The following SUGCT variants were observed in gnomAD, a reference collection of about 807,000 sequenced individuals.
SUGCT encodes succinyl-CoA:glutarate CoA-transferase.
Under a neutral mutation model 55.0 loss-of-function variants are expected in SUGCT, and 41 were observed. That is an observed-to-expected ratio of 0.74 (90% CI 0.58 to 0.97). The LOEUF is 0.97. Ranked by LOEUF, SUGCT falls within the 50% of genes least tolerant of loss-of-function variation. The pLI, the probability that SUGCT is intolerant of heterozygous loss-of-function variation, is 0.00. For synonymous variants in SUGCT, 187 were observed against 200.4 expected, an observed-to-expected ratio of 0.93 and a Z score of 0.56; for missense variants, 568 against 547.8, an observed-to-expected ratio of 1.04 and a Z score of -0.37.
At chr7:40,595,121 A>T (rs1480321623) in intron 12 of SUGCT, among the ~76,000 whole-genome samples, 1 of 152,194 alleles carries the variant, frequency 6.6e-6, no homozygotes, top group East Asian at 1.9e-4. Context: ...ACCCTGTGCT[A>T]GGTGCTTCAA....
intron 12 of SUGCT, among the ~76,000 whole-genome samples, chr7:40,679,816 A>G (rs1345972046): frequency 6.6e-6 from 1 of 152,130 alleles, no homozygotes; most frequent in East Asian, 1.9e-4. Flanking sequence ...CTCATTTGCT[A>G]TCCTGTGATT....
chr7:40,668,391 A>G (rs927025547), intron 12 of SUGCT, among the ~76,000 whole-genome samples: 3 of 152,176 alleles, frequency 2.0e-5, no homozygotes, highest in Non-Finnish European at 4.4e-5. Flanking sequence ...GATTCATTAT[A>G]TGTAACTGAA....
chr7:40,240,772 G>C (rs1174986861), intron 7 of SUGCT, among the ~76,000 whole-genome samples: 3 of 152,220 alleles, frequency 2.0e-5, no homozygotes, highest in African/African-American at 7.2e-5. Context: ...TGGAACTCAG[G>C]CTTCTCTGAC....
intron 1 of SUGCT, chr7:40,153,058 G>T (rs1788665434): frequency 5.4e-6 from 1 of 184,230 alleles, no homozygotes; most frequent in South Asian, 1.0e-4. Context: ...AGCTCAAAAA[G>T]ATAATTCAGA....
intron 12 of SUGCT, among the ~76,000 whole-genome samples, chr7:40,581,575 T>A (rs1344792911): frequency 6.6e-6 from 1 of 152,060 alleles, no homozygotes; most frequent in Non-Finnish European, 1.5e-5. Context: ...TTGTGGAGGG[T>A]TACTTTATTT....
At chr7:40,513,538 A>G (rs1460119942) in intron 12 of SUGCT, among the ~76,000 whole-genome samples, 1 of 152,104 alleles carries the variant, frequency 6.6e-6, no homozygotes, top group Non-Finnish European at 1.5e-5. Context: ...TCAAATTGTC[A>G]CTAAAGTAGG....
At chr7:40,600,517 C>G (rs182997236) in intron 12 of SUGCT, among the ~76,000 whole-genome samples, 209 of 152,282 alleles carry the variant, frequency 1.4e-3, no homozygotes, top group African/African-American at 4.8e-3. Context: ...GCTTTCACAT[C>G]AGTTTGGGGG....
chr7:40,230,997 T>G (rs889648501), intron 6 of SUGCT, among the ~76,000 whole-genome samples: 1 of 152,178 alleles, frequency 6.6e-6, no homozygotes, highest in Non-Finnish European at 1.5e-5. Context: ...ACACAATAAC[T>G]TGATAAATGT....
chr7:40,541,489 T>C (rs549283291), intron 12 of SUGCT, among the ~76,000 whole-genome samples: 2 of 152,292 alleles, frequency 1.3e-5, no homozygotes, highest in East Asian at 3.9e-4. Flanking sequence ...TGGTGAGCAG[T>C]AGTTGATTGT....
Position 40,732,010 on chromosome 7 carries a change from T to C in SUGCT, c.1090-17424T>C, listed in dbSNP as rs1263182437. ...CCTGATAATCTATGAGGATATATCT[T>C]GGGAGCTAGGATACAGTTTGTTTTA... is the stretch of plus-strand genomic sequence containing the variant. On this transcript the variant is annotated intron_variant, in intron 12 of 13. Coordinates refer to ENST00000335693, the MANE Select transcript of SUGCT (RefSeq NM_001193313.2). Among the ~76,000 whole-genome samples, 2 of 152,174 alleles carry C rather than the reference T, an allele frequency of 1.3e-5. 1 individual carries two copies. Among genetic ancestry groups the C allele is most frequent in the Non-Finnish European group, 2.9e-5 (2 of 68,036 alleles).
At chr7:40,453,573 A>G (rs1272430459) in intron 10 of SUGCT, among the ~76,000 whole-genome samples, 1 of 152,246 alleles carries the variant, frequency 6.6e-6, no homozygotes, top group Non-Finnish European at 1.5e-5. Context: ...CTTACTAGTC[A>G]GATTCAAATA....
chr7:40,958,737 G>A, the SUGCT span, among the ~76,000 whole-genome samples: 27 of 152,130 alleles, frequency 1.8e-4, no homozygotes, highest in Admixed American at 1.5e-3. Context: ...TGGAGGAGAG[G>A]AGGCATTCTG....
chr7:40,230,948 TAAAC>T (rs1382754649), intron 6 of SUGCT, among the ~76,000 whole-genome samples: 1 of 152,210 alleles, frequency 6.6e-6, no homozygotes, highest in Non-Finnish European at 1.5e-5. Flanking sequence ...TTATATGAAT[TAAAC>T]AAATAATTGA....
chr7:41,015,229 G>C, the SUGCT span, among the ~76,000 whole-genome samples: 1 of 152,302 alleles, frequency 6.6e-6, no homozygotes. Flanking sequence ...ATTCACAGTA[G>C]AGTGAATGGG....
At chr7:40,658,781 C>A (rs556943402) in intron 12 of SUGCT, among the ~76,000 whole-genome samples, 1 of 152,220 alleles carries the variant, frequency 6.6e-6, no homozygotes, top group Non-Finnish European at 1.5e-5. Flanking sequence ...AAATCCCACA[C>A]CCCTCACAGG....
intron 8 of SUGCT, among the ~76,000 whole-genome samples, chr7:40,315,135 GT>G (rs1795360152): frequency 6.6e-6 from 1 of 152,070 alleles, no homozygotes; most frequent in African/African-American, 2.4e-5. Context: ...AAAACCTTTG[GT>G]TTAGCTGAAA....
chr7:40,710,469 G>A (rs554330794), intron 12 of SUGCT, among the ~76,000 whole-genome samples: 2 of 152,156 alleles, frequency 1.3e-5, no homozygotes, highest in South Asian at 4.2e-4. Context: ...GGCTGTTAAT[G>A]TTTTACCCCA....
At chr7:40,643,601 A>G (rs1002584207) in intron 12 of SUGCT, among the ~76,000 whole-genome samples, 1 of 152,226 alleles carries the variant, frequency 6.6e-6, no homozygotes, top group East Asian at 1.9e-4. Flanking sequence ...ACATTTGAAA[A>G]CAAGTGGATC....
intron 9 of SUGCT, among the ~76,000 whole-genome samples, chr7:40,323,751 A>G (rs1795867047): frequency 6.6e-6 from 1 of 152,166 alleles, no homozygotes; most frequent in Admixed American, 6.6e-5. Context: ...GCAAAATCCC[A>G]GTGCGGATAG....
Sources: allele counts gnomAD v4.1 joint callset (sites outside exome capture counted in the v4.1 genomes callset), GRCh38; gene constraint gnomAD v4.1.1; transcripts MANE v1.5; gene names NCBI Gene and HGNC (gene_info 2026-07-23, HGNC 2026-07-21).